KIF6: variants seen among roughly 807,000 people sequenced by gnomAD.
The protein encoded by KIF6 is kinesin family member 6.
In KIF6, 106 loss-of-function variants were observed where a neutral mutation model predicts 112.7. The ratio of observed to expected loss-of-function variants is 0.94; its 90% CI spans 0.80 to 1.11. The LOEUF (loss-of-function observed/expected upper bound fraction) is 1.11, where lower values mean the gene tolerates loss of function less well. Among genes scored for constraint, KIF6 ranks in the 50% least tolerant of loss-of-function variants. The pLI is 0.00. For missense variants in KIF6, 929 were observed against 964.0 expected, an observed-to-expected ratio of 0.96 and a Z score of 0.48; for synonymous variants, 339 against 339.9, an observed-to-expected ratio of 1.00 and a Z score of 0.03.
intron 15 of KIF6, among the ~76,000 whole-genome samples, chr6:39,390,857 G>C (rs1402437322): frequency 1.3e-5 from 2 of 152,166 alleles, no homozygotes; most frequent in Admixed American, 6.5e-5. Context: ...TACTAACATG[G>C]AGGATCATGA....
chr6:39,689,400 G>A (rs1011723878), intron 3 of KIF6, among the ~76,000 whole-genome samples: 2 of 151,966 alleles, frequency 1.3e-5, no homozygotes, highest in African/African-American at 4.8e-5. Context: ...GAAGGCTGAT[G>A]TGGGAGGATC....
At chr6:39,613,885 T>G (rs1016810402) in intron 5 of KIF6, among the ~76,000 whole-genome samples, 1 of 152,242 alleles carries the variant, frequency 6.6e-6, no homozygotes, top group African/African-American at 2.4e-5. Flanking sequence ...AAGATTTAGC[T>G]TGCCATTATT....
chr6:39,720,791 A>T lies in KIF6; in HGVS notation c.87T>A (p.Asp29Glu). The change falls in exon 2 of 23, where the codon GAT becomes GAA. Residue 29 changes from aspartate to glutamate, a missense_variant. Physicochemically the swap from Asp to Glu is conservative, Grantham distance 45 (BLOSUM62 2). This residue lies in a region of KIF6 where 688 missense variants were observed against 662.7 expected (regional missense o/e 1.04). Coordinates refer to ENST00000287152, the MANE Select transcript of KIF6 (RefSeq NM_145027.6). Reference sequence around the variant, plus strand: ...TTTCCAAGCTAGGTATTAATTTTTCATCTTCATCTATGGAATAAATCTGCA... The same window carrying T: ...TTTCCAAGCTAGGTATTAATTTTTCTTCTTCATCTATGGAATAAATCTGCA... ...HQQGIYSIDE[D>E]EKLIPSLEII... 6.3e-7 allele frequency: 1 copy of T among 1,576,168 alleles called. No individual in the cohort carries two copies. Among genetic ancestry groups the T allele is most frequent in the Non-Finnish European group, 8.7e-7 (1 of 1,145,488 alleles).
At chr6:39,707,705 T>C (rs907235382) in intron 3 of KIF6, among the ~76,000 whole-genome samples, 1 of 152,252 alleles carries the variant, frequency 6.6e-6, no homozygotes, top group African/African-American at 2.4e-5. Flanking sequence ...AGCATGTTTT[T>C]TGAGTGGCAA....
At chr6:39,403,823 A>G (rs761826025) in intron 15 of KIF6, among the ~76,000 whole-genome samples, 2 of 152,234 alleles carry the variant, frequency 1.3e-5, no homozygotes, top group Non-Finnish European at 2.9e-5. Context: ...TTAAAAAATT[A>G]AAAACATTTT....
At chr6:39,364,282 A>G (rs1415631235) in intron 16 of KIF6, among the ~76,000 whole-genome samples, 1 of 151,966 alleles carries the variant, frequency 6.6e-6, no homozygotes, top group African/African-American at 2.4e-5. Context: ...CACCACGCCC[A>G]GCTAATTTTT....
At chr6:39,595,215 A>C (rs539078205) in intron 7 of KIF6, among the ~76,000 whole-genome samples, 1 of 152,236 alleles carries the variant, frequency 6.6e-6, no homozygotes, top group African/African-American at 2.4e-5. Context: ...TCGTTAATCT[A>C]CTAGCCTGAA....
intron 14 of KIF6, among the ~76,000 whole-genome samples, chr6:39,429,651 T>C (rs1226298578): frequency 6.6e-6 from 1 of 152,234 alleles, no homozygotes; most frequent in African/African-American, 2.4e-5. Flanking sequence ...GGCTCATGCC[T>C]GTAATCCCAG....
chr6:39,456,352 A>C (rs1219509211), intron 13 of KIF6, among the ~76,000 whole-genome samples: 49 of 128,546 alleles, frequency 3.8e-4, no homozygotes, highest in Non-Finnish European at 6.1e-4. Flanking sequence ...GCCTGCCCTA[A>C]AAGAGCTCCT....
At chr6:39,474,512 C>G (rs978872062) in intron 13 of KIF6, among the ~76,000 whole-genome samples, 5 of 152,250 alleles carry the variant, frequency 3.3e-5, no homozygotes, top group Non-Finnish European at 7.3e-5. Flanking sequence ...TCCTTCTTTA[C>G]TTGCATGAAC....
chr6:39,642,308 G>C (rs1784947956), intron 3 of KIF6, among the ~76,000 whole-genome samples: 2 of 152,138 alleles, frequency 1.3e-5, no homozygotes, highest in Admixed American at 6.5e-5. Context: ...AAGACAAACA[G>C]CTAAACTCAG....
At chr6:39,601,376 A>G (rs1001099630) in intron 6 of KIF6, among the ~76,000 whole-genome samples, 5 of 152,124 alleles carry the variant, frequency 3.3e-5, no homozygotes, top group African/African-American at 1.2e-4. Context: ...TCTCTCAGAC[A>G]AAGTAGTATT....
chr6:39,546,075 G>C (rs745316885), intron 10 of KIF6, among the ~76,000 whole-genome samples: 1 of 152,146 alleles, frequency 6.6e-6, no homozygotes, highest in Non-Finnish European at 1.5e-5. Context: ...TGGCACCTCA[G>C]TGATACCCCA....
At chr6:39,624,032 G>A (rs895160185) in intron 5 of KIF6, among the ~76,000 whole-genome samples, 7 of 152,154 alleles carry the variant, frequency 4.6e-5, no homozygotes, top group Admixed American at 1.3e-4. Flanking sequence ...GAGCAGAGAC[G>A]GGGGTGTTAA....
intron 12 of KIF6, among the ~76,000 whole-genome samples, chr6:39,542,667 A>AT (rs1480863920): frequency 6.6e-6 from 1 of 152,154 alleles, no homozygotes. Flanking sequence ...CTTTGAGAGG[A>AT]TTAAATCTTA....
chr6:39,503,543 G>T (rs529639065), intron 13 of KIF6, among the ~76,000 whole-genome samples: 5 of 152,078 alleles, frequency 3.3e-5, no homozygotes, highest in African/African-American at 1.2e-4. Context: ...CCAGGAGCTG[G>T]TTTTTTGAAA....
At chr6:39,377,929 G>A (rs1766582237) in intron 16 of KIF6, among the ~76,000 whole-genome samples, 1 of 152,158 alleles carries the variant, frequency 6.6e-6, no homozygotes. Context: ...GAGGGAGGAG[G>A]GAGGTGGAAA....
chr6:39,527,563 A>T (rs529339997), intron 13 of KIF6, among the ~76,000 whole-genome samples: 1 of 152,310 alleles, frequency 6.6e-6, no homozygotes, highest in South Asian at 2.1e-4. Flanking sequence ...TTTCTATAAC[A>T]TGACTCCACT....
Position 39,403,863 on chromosome 6 carries a change from C to T in KIF6, c.1810+16085G>A, listed in dbSNP as rs913367963. ...TATTCTAATAAACAAATGGTCATAT[C>T]TCATCATTGTTTAGATTCAAATTTC... On this transcript the variant is annotated intron_variant, in intron 15 of 22. Transcript: ENST00000287152. Among the ~76,000 whole-genome samples, 5 of 152,284 alleles carry T rather than the reference C, an allele frequency of 3.3e-5. No homozygotes were observed. The South Asian group carries it at 1.0e-3, about 32-fold the overall frequency.
Sources: allele counts gnomAD v4.1 joint callset (sites outside exome capture counted in the v4.1 genomes callset), GRCh38; gene constraint gnomAD v4.1.1; regional missense constraint gnomAD v4.1.1; transcripts MANE v1.5; gene names NCBI Gene and HGNC (gene_info 2026-07-23, HGNC 2026-07-21).